Variants in LTBP1 observed in about 807,000 individuals in gnomAD.
LTBP1 encodes the protein latent transforming growth factor beta binding protein 1.
Under a neutral mutation model 207.6 loss-of-function variants are expected in LTBP1, and 129 were observed. The ratio of observed to expected loss-of-function variants is 0.62; its 90% CI spans 0.54 to 0.72. The LOEUF (loss-of-function observed/expected upper bound fraction) is 0.72, where lower values mean the gene tolerates loss of function less well. LTBP1 is among the 30% of genes least tolerant of loss of function. LTBP1 has a pLI of 0.00. For synonymous variants in LTBP1, 963 were observed against 833.7 expected (o/e 1.16, Z -2.67); for missense variants, 2,281 against 2,217.2 (o/e 1.03, Z -0.58).
intron 15 of LTBP1, among the ~76,000 whole-genome samples, chr2:33,272,449 AGAT>A (rs2093342609): frequency 6.6e-6 from 1 of 152,230 alleles, no homozygotes; most frequent in Admixed American, 6.5e-5. Flanking sequence ...ATACGATGAC[AGAT>A]AATAGCCCAA....
chr2:33,183,402 T>A (rs1435997712), intron 5 of LTBP1, among the ~76,000 whole-genome samples: 1 of 152,216 alleles, frequency 6.6e-6, no homozygotes, highest in African/African-American at 2.4e-5. Context: ...CAGGGACCAA[T>A]CACCGACAGG....
At chr2:32,984,917 G>A (rs1266150232) in intron 2 of LTBP1, among the ~76,000 whole-genome samples, 1 of 151,296 alleles carries the variant, frequency 6.6e-6, no homozygotes, top group African/African-American at 2.4e-5. Flanking sequence ...GGCGAGAAGA[G>A]TGAGACTCTG....
At chr2:33,302,045 G>A (rs773997266) in intron 22 of LTBP1, among the ~76,000 whole-genome samples, 3 of 152,180 alleles carry the variant, frequency 2.0e-5, no homozygotes, top group Non-Finnish European at 4.4e-5. Context: ...CATCAATTCA[G>A]TTTTTGGCTT....
chr2:33,025,574 G>C (rs946287795), intron 3 of LTBP1, among the ~76,000 whole-genome samples: 1 of 152,144 alleles, frequency 6.6e-6, no homozygotes, highest in Non-Finnish European at 1.5e-5. Flanking sequence ...AGATAACAAT[G>C]ACGATTTATA....
chr2:33,326,718 G>A (rs2094433150), intron 24 of LTBP1, among the ~76,000 whole-genome samples: 1 of 149,680 alleles, frequency 6.7e-6, no homozygotes, highest in Non-Finnish European at 1.5e-5. Flanking sequence ...GAGTGCAGTG[G>A]TGCAATCTCA....
chr2:33,283,763 T>C (rs1419264787), intron 19 of LTBP1, among the ~76,000 whole-genome samples: 1 of 152,128 alleles, frequency 6.6e-6, no homozygotes, highest in East Asian at 1.9e-4. Context: ...AATCACACCA[T>C]TTTGGTGAAA....
rs397961095 is a variant in LTBP1 at position 33,270,589 on chromosome 2, C to CAAA, written c.2618-3047_2618-3045dup. ...TGGGTGACAGAGCAAGACTCCGTCT[C>CAAA]AAAAAAAAAAAAAAAAAAAAAAGAA... On this transcript the variant is annotated intron_variant, in intron 15 of 33. Coordinates refer to ENST00000404816, the MANE Select transcript of LTBP1 (RefSeq NM_206943.4). 4.5e-3 allele frequency among the ~76,000 whole-genome samples: 339 copies of CAAA among 74,630 alleles called. 7 individuals carry two copies. Among genetic ancestry groups the CAAA allele is most frequent in the African/African-American group, 7.8e-3 (135 of 17,394 alleles). The allele number at this position is 74,630 out of a possible 152,430, so 49.0% of individuals were successfully genotyped here. A position where few individuals can be genotyped will look rare whatever the true frequency, so the allele number is the denominator to read the frequency against.
chr2:33,306,321 G>A (rs1161829158), intron 22 of LTBP1, among the ~76,000 whole-genome samples: 1 of 152,160 alleles, frequency 6.6e-6, no homozygotes, highest in African/African-American at 2.4e-5. Flanking sequence ...TGTAATCCCA[G>A]CACTTTGGGA....
rs575299623 is a variant in LTBP1, at chr2:33,146,175, T to C, written c.1201+11215T>C. On this transcript the variant is annotated intron_variant, in intron 5 of 33. Coordinates refer to ENST00000404816, the MANE Select transcript of LTBP1 (RefSeq NM_206943.4). Reference sequence around the variant, plus strand: ...TTTGGGCTCTATTTCAGCTGGTTATTTGAAATTTGATCTGCTGCAGTGGTG... The same window carrying C: ...TTTGGGCTCTATTTCAGCTGGTTATCTGAAATTTGATCTGCTGCAGTGGTG... Among the ~76,000 whole-genome samples, 4 of 152,320 alleles carry C rather than the reference T, an allele frequency of 2.6e-5. No individual in the cohort carries two copies. In the East Asian group the frequency reaches 7.7e-4, roughly 29 times the overall value.
At chr2:33,013,363 C>G (rs531993210) in intron 2 of LTBP1, among the ~76,000 whole-genome samples, 2 of 152,076 alleles carry the variant, frequency 1.3e-5, no homozygotes, top group Non-Finnish European at 2.9e-5. Context: ...TCATTTCCCT[C>G]TGTCTAAATT....
chr2:33,275,449 C>T (rs2093405528), intron 17 of LTBP1, among the ~76,000 whole-genome samples: 1 of 152,114 alleles, frequency 6.6e-6, no homozygotes, highest in African/African-American at 2.4e-5. Flanking sequence ...CTTTGGGAGG[C>T]CGAGCCTGGC....
chr2:33,158,496 G>A (rs1481495041), intron 5 of LTBP1, among the ~76,000 whole-genome samples: 2 of 152,110 alleles, frequency 1.3e-5, no homozygotes, highest in Non-Finnish European at 2.9e-5. Context: ...AAAGAATTGA[G>A]ACAGGGCATC....
intron 4 of LTBP1, among the ~76,000 whole-genome samples, chr2:33,113,348 G>A (rs1020370159): frequency 3.9e-5 from 6 of 152,272 alleles, no homozygotes; most frequent in Non-Finnish European, 5.9e-5. Flanking sequence ...ATTTGCTCTC[G>A]ACACTTGGTA....
At chr2:33,203,934 C>T (rs1445742955) in intron 7 of LTBP1, among the ~76,000 whole-genome samples, 1 of 152,096 alleles carries the variant, frequency 6.6e-6, no homozygotes, top group Non-Finnish European at 1.5e-5. Context: ...GATTTTGGCT[C>T]TATACATTTT....
At chr2:33,013,689 T>C (rs962694378) in intron 2 of LTBP1, among the ~76,000 whole-genome samples, 2 of 152,228 alleles carry the variant, frequency 1.3e-5, no homozygotes, top group African/African-American at 4.8e-5. Flanking sequence ...TACGTTATAT[T>C]CTGTGAGTGC....
chr2:33,191,338 T>C (rs1276021846), intron 7 of LTBP1, among the ~76,000 whole-genome samples: 1 of 152,242 alleles, frequency 6.6e-6, no homozygotes, highest in African/African-American at 2.4e-5. Context: ...TGGAATACTT[T>C]TGTCTTATCT....
chr2:33,021,073 C>T lies in LTBP1; in HGVS notation c.730C>T (p.Pro244Ser). The T allele has an allele frequency of 1.2e-6, 2 of 1,614,070 alleles. No individual in the cohort carries two copies. Among genetic ancestry groups the T allele is most frequent in the Non-Finnish European group, 8.5e-7 (1 of 1,180,018 alleles). The change falls in exon 3 of 34, where the codon CCT becomes TCT. Residue 244 changes from proline (P) to serine (S), a missense_variant. This residue lies in a region of LTBP1 where 555 missense variants were observed against 491.0 expected (regional missense o/e 1.13). Transcript: ENST00000404816. ...TCCTGGGGCTGCTTCCTCGTGGGGCCCTCCTGAGCAAGCAGCAAAGCATAC... is the reference window on the plus strand; with the variant it reads ...TCCTGGGGCTGCTTCCTCGTGGGGCTCTCCTGAGCAAGCAGCAAAGCATAC... Reference protein sequence around the residue: ...QSPGAASSWGPPEQAAKHTSS... With the variant: ...QSPGAASSWGSPEQAAKHTSS...
intron 26 of LTBP1, among the ~76,000 whole-genome samples, chr2:33,353,407 G>A (rs996382363): frequency 5.9e-5 from 9 of 152,030 alleles, no homozygotes; most frequent in Admixed American, 2.6e-4. Flanking sequence ...CTCTCAACAC[G>A]CCTTGCTTTT....
At chr2:33,371,246 G>A (rs1002375843) in intron 31 of LTBP1, among the ~76,000 whole-genome samples, 5 of 152,214 alleles carry the variant, frequency 3.3e-5, no homozygotes, top group African/African-American at 7.2e-5. Context: ...CACCATGGAT[G>A]TATCATGGAC....
Sources: allele counts gnomAD v4.1 joint callset (sites outside exome capture counted in the v4.1 genomes callset), GRCh38; gene constraint gnomAD v4.1.1; regional missense constraint gnomAD v4.1.1; transcripts MANE v1.5; gene names NCBI Gene and HGNC (gene_info 2026-07-23, HGNC 2026-07-21).